ERGIC2: variants seen among roughly 807,000 people sequenced by gnomAD.
The protein encoded by ERGIC2 is ERGIC and golgi 2.
ERGIC2 carries 31 observed loss-of-function variants against 52.5 expected under a neutral mutation model. The observed-to-expected ratio is 0.59, with a 90% CI of 0.44 to 0.80. The LOEUF is 0.80. Among genes scored for constraint, ERGIC2 ranks in the 30% least tolerant of loss-of-function variants. The probability of loss-of-function intolerance (pLI) is 0.00; values close to 1 mark genes in which losing one functional copy is unlikely to be tolerated. For synonymous variants in ERGIC2, 129 were observed against 140.6 expected (o/e 0.92, Z 0.58); for missense variants, 395 against 455.2 (o/e 0.87, Z 1.20).
Position 29,340,752 on chromosome 12 carries a change from T to A in ERGIC2, c.*404A>T. The A allele has an allele frequency of 1.5e-5, 6 of 404,552 alleles. No individual in the cohort carries two copies. Among genetic ancestry groups the A allele is most frequent in the Non-Finnish European group, 1.9e-5 (4 of 212,224 alleles). The allele number at this position is 404,552 out of a possible 1,614,324, so 25.1% of individuals were successfully genotyped here. On this transcript the variant is annotated 3_prime_UTR_variant, in exon 14 of 14. Coordinates refer to ENST00000360150, the MANE Select transcript of ERGIC2 (RefSeq NM_016570.3). Reference sequence around the variant, plus strand: ...CATTTTATTCTGACATCATATCTTTTAAAAACAAAAGGATGCGAACATTTG... The same window carrying A: ...CATTTTATTCTGACATCATATCTTTAAAAAACAAAAGGATGCGAACATTTG...
intron 1 of ERGIC2, among the ~76,000 whole-genome samples, chr12:29,376,564 C>G (rs1940517719): frequency 6.6e-6 from 1 of 152,160 alleles, no homozygotes; most frequent in African/African-American, 2.4e-5. Flanking sequence ...CAAGGTCAAC[C>G]CTTAAAACTG....
chr12:29,378,863 T>C (rs1437923424), intron 1 of ERGIC2, among the ~76,000 whole-genome samples: 1 of 152,176 alleles, frequency 6.6e-6, no homozygotes, highest in Non-Finnish European at 1.5e-5. Flanking sequence ...CATAATTTTA[T>C]TTTAAAAGAT....
chr12:29,374,404 T>C (rs1565546106), intron 1 of ERGIC2, among the ~76,000 whole-genome samples: 1 of 152,194 alleles, frequency 6.6e-6, no homozygotes, highest in East Asian at 1.9e-4. Context: ...GATTCTGCAC[T>C]AGGTCTCCCC....
chr12:29,369,846 T>C (rs1334755691), intron 3 of ERGIC2, among the ~76,000 whole-genome samples: 1 of 151,936 alleles, frequency 6.6e-6, no homozygotes, highest in Non-Finnish European at 1.5e-5. Flanking sequence ...ATTTCCACAA[T>C]ATACATATCT....
At chr12:29,375,962 G>C (rs1367669905) in intron 1 of ERGIC2, among the ~76,000 whole-genome samples, 1 of 152,114 alleles carries the variant, frequency 6.6e-6, no homozygotes, top group Non-Finnish European at 1.5e-5. Flanking sequence ...ATAACTTCTA[G>C]CTTTTCTAAA....
chr12:29,369,400 T>C (rs141042551), intron 3 of ERGIC2, among the ~76,000 whole-genome samples: 4 of 152,084 alleles, frequency 2.6e-5, no homozygotes, highest in Non-Finnish European at 2.9e-5. Flanking sequence ...CACAGCAATT[T>C]ACAAATGTTG....
chr12:29,368,719 T>C (rs1940398395), intron 3 of ERGIC2, among the ~76,000 whole-genome samples: 1 of 151,936 alleles, frequency 6.6e-6, no homozygotes, highest in South Asian at 2.1e-4. Context: ...CTACAAATAT[T>C]ATCTCCTTTA....
intron 12 of ERGIC2, among the ~76,000 whole-genome samples, chr12:29,342,793 T>A (rs763130600): frequency 1.8e-4 from 28 of 152,206 alleles, no homozygotes; most frequent in Non-Finnish European, 2.4e-4. Context: ...TTTTTACTGA[T>A]TAGAAAACCT....
chr12:29,340,484 C>G lies in ERGIC2; in HGVS notation c.*672G>C, dbSNP rs1288456158. On this transcript the variant is annotated 3_prime_UTR_variant, in exon 14 of 14. Coordinates refer to ENST00000360150, the MANE Select transcript of ERGIC2 (RefSeq NM_016570.3). ...TAGTTACATAACACCTACATATCTG[C>G]CCCTGTGAGAATTTACCTTAGTCTT... 1.9e-5 allele frequency: 3 copies of G among 159,716 alleles called. No homozygotes were observed. The highest frequency in any genetic ancestry group is 6.4e-5 in the Admixed American group (1 of 15,734). The allele number at this position is 159,716 out of a possible 1,614,324, so 9.9% of individuals were successfully genotyped here.
intron 1 of ERGIC2, among the ~76,000 whole-genome samples, chr12:29,378,481 T>A (rs982584020): frequency 5.9e-5 from 9 of 152,132 alleles, no homozygotes; most frequent in African/African-American, 2.2e-4. Flanking sequence ...AAATAAAAGG[T>A]AAAACTACAA....
Position 29,371,675 on chromosome 12 carries a change from G to C in ERGIC2, c.-37-5C>G, listed in dbSNP as rs766860076. 1 of 1,260,208 alleles carries C rather than the reference G, an allele frequency of 7.9e-7. No individual in the cohort carries two copies. Among genetic ancestry groups the C allele is most frequent in the South Asian group, 1.2e-5 (1 of 80,330 alleles). 78.1% of individuals were successfully genotyped at this position (1,260,208 alleles called of 1,614,324 possible). On this transcript the variant is annotated splice_region_variant and splice_polypyrimidine_tract_variant and intron_variant, in intron 1 of 13. Coordinates refer to ENST00000360150, the MANE Select transcript of ERGIC2 (RefSeq NM_016570.3). ...CTCTTCCTTCATATAGTCATGCTAAGGAATAAATAAATTAATGAATAAATG... is the reference window on the plus strand; with the variant it reads ...CTCTTCCTTCATATAGTCATGCTAACGAATAAATAAATTAATGAATAAATG...
Position 29,381,146 on chromosome 12 carries a change from T to C in ERGIC2, c.-69A>G, listed in dbSNP as rs1159550913. On this transcript the variant is annotated 5_prime_UTR_variant, in exon 1 of 14. Coordinates refer to ENST00000360150, the MANE Select transcript of ERGIC2 (RefSeq NM_016570.3). ...TTATGGTCCCAGCCTACCGCCATGTTTCACAGAAGCCCGGGTCGCCGGGGC... is the reference window on the plus strand; with the variant it reads ...TTATGGTCCCAGCCTACCGCCATGTCTCACAGAAGCCCGGGTCGCCGGGGC... 1 of 152,260 alleles carries C rather than the reference T, an allele frequency of 6.6e-6. No homozygotes were observed. The highest frequency in any genetic ancestry group is 1.9e-4 in the East Asian group (1 of 5,194). The allele number at this position is 152,260 out of a possible 1,614,324, so 9.4% of individuals were successfully genotyped here. A position where few individuals can be genotyped will look rare whatever the true frequency, so the allele number is the denominator to read the frequency against.
At chr12:29,358,637 AAC>A (rs1940241897) in intron 6 of ERGIC2, among the ~76,000 whole-genome samples, 2 of 152,246 alleles carry the variant, frequency 1.3e-5, no homozygotes, top group South Asian at 4.1e-4. Flanking sequence ...GGTATATAGG[AAC>A]ACTACTTTCT....
chr12:29,351,799 C>T (rs977846958), intron 8 of ERGIC2, among the ~76,000 whole-genome samples: 1 of 152,088 alleles, frequency 6.6e-6, no homozygotes, highest in East Asian at 1.9e-4. Context: ...TTCATTTTCA[C>T]GTTTTATGAT....
chr12:29,360,155 G>A (rs2136867066), intron 6 of ERGIC2, among the ~76,000 whole-genome samples: 1 of 152,128 alleles, frequency 6.6e-6, no homozygotes, highest in Admixed American at 6.5e-5. Flanking sequence ...TGGAGTATAA[G>A]TGAAATAATA....
At chr12:29,357,275 T>A (rs1314917748) in intron 7 of ERGIC2, among the ~76,000 whole-genome samples, 1 of 152,128 alleles carries the variant, frequency 6.6e-6, no homozygotes, top group African/African-American at 2.4e-5. Context: ...CAGCCTCTAA[T>A]CTTTAATTAA....
chr12:29,339,949 A>G lies in ERGIC2; in HGVS notation c.*1207T>C, dbSNP rs1292698823. On this transcript the variant is annotated 3_prime_UTR_variant, in exon 14 of 14. Coordinates refer to ENST00000360150, the MANE Select transcript of ERGIC2 (RefSeq NM_016570.3). ...TCAGTACTACAAAAGGAAAACTGAT[A>G]TTGGTACACATATTCCAAATACAGC... 1.3e-5 allele frequency: 2 copies of G among 152,174 alleles called. No individual in the cohort carries two copies. The highest frequency in any genetic ancestry group is 2.9e-5 in the Non-Finnish European group (2 of 68,008). The allele number at this position is 152,174 out of a possible 1,614,324, so 9.4% of individuals were successfully genotyped here. A position where few individuals can be genotyped will look rare whatever the true frequency, so the allele number is the denominator to read the frequency against.
intron 11 of ERGIC2, among the ~76,000 whole-genome samples, chr12:29,344,469 T>C (rs1940014345): frequency 2.6e-5 from 4 of 152,216 alleles, no homozygotes; most frequent in Admixed American, 2.6e-4. Flanking sequence ...GGAATCTCCC[T>C]ACTCCTTAAA....
rs1949832504 is a variant in ERGIC2, at chr12:29,340,835, T to A, written c.*321A>T. 4 of 449,406 alleles carry A rather than the reference T, an allele frequency of 8.9e-6. No homozygotes were observed. The highest frequency in any genetic ancestry group is 1.3e-5 in the Non-Finnish European group (3 of 235,406). The allele number at this position is 449,406 out of a possible 1,614,324, so 27.8% of individuals were successfully genotyped here. A position where few individuals can be genotyped will look rare whatever the true frequency, so the allele number is the denominator to read the frequency against. On this transcript the variant is annotated 3_prime_UTR_variant, in exon 14 of 14. Coordinates refer to ENST00000360150, the MANE Select transcript of ERGIC2 (RefSeq NM_016570.3). ...GTAGTTTCACTTATTTCCTTCAGGCTTTTTATCAGCAAGAAGCAATGTCTG... is the reference window on the plus strand; with the variant it reads ...GTAGTTTCACTTATTTCCTTCAGGCATTTTATCAGCAAGAAGCAATGTCTG...
Sources: allele counts gnomAD v4.1 joint callset (sites outside exome capture counted in the v4.1 genomes callset), GRCh38; gene constraint gnomAD v4.1.1; transcripts MANE v1.5; gene names NCBI Gene and HGNC (gene_info 2026-07-23, HGNC 2026-07-21).